The following ATE1 variants were observed in gnomAD, a reference collection of about 807,000 sequenced individuals.
ATE1 encodes the protein arginyl-tRNA--protein transferase 1.
In ATE1, 36 loss-of-function variants were observed where a neutral mutation model predicts 70.5. The ratio of observed to expected loss-of-function variants is 0.51; its 90% CI spans 0.39 to 0.67. The LOEUF is 0.67. Ranked by LOEUF, ATE1 falls within the 30% of genes least tolerant of loss-of-function variation. The pLI is 0.00. For missense variants in ATE1, 593 were observed against 629.5 expected, an observed-to-expected ratio of 0.94 and a Z score of 0.62; for synonymous variants, 232 against 219.3, an observed-to-expected ratio of 1.06 and a Z score of -0.51.
chr10:121,758,840 T>G (rs571594057), intron 11 of ATE1, among the ~76,000 whole-genome samples: 15 of 152,192 alleles, frequency 9.9e-5, no homozygotes, highest in Non-Finnish European at 2.2e-4. Flanking sequence ...TTAACTACTG[T>G]AATTGGTTTG....
chr10:121,835,377 C>T (rs1000027516), intron 10 of ATE1, among the ~76,000 whole-genome samples: 18 of 151,414 alleles, frequency 1.2e-4, no homozygotes, highest in African/African-American at 3.4e-4. Context: ...AACCATCTCC[C>T]CAGTCATTCA....
chr10:121,798,759 C>T (rs985889851), intron 10 of ATE1, among the ~76,000 whole-genome samples: 10 of 151,884 alleles, frequency 6.6e-5, no homozygotes, highest in Admixed American at 1.3e-4. Context: ...AATTGTTGGG[C>T]GTGGTGACAC....
chr10:121,749,639 C>T (rs1944502810), intron 11 of ATE1, among the ~76,000 whole-genome samples: 1 of 152,122 alleles, frequency 6.6e-6, no homozygotes, highest in Admixed American at 6.5e-5. Context: ...TTTAATTTTA[C>T]ATCATTTTTA....
Position 121,840,832 on chromosome 10 carries a change from CTT to C in ATE1, c.1157+248_1157+249del, listed in dbSNP as rs1180534671. ...ATGTTTATTTTAAAATTCAATGTGA[CTT>C]TAAATATATTCTTAAATGAAAATTA... On this transcript the variant is annotated intron_variant, in intron 9 of 11. Transcript: ENST00000224652. Among the ~76,000 whole-genome samples, 266 of 150,166 alleles carry C rather than the reference CTT, an allele frequency of 1.8e-3. 1 individual carries two copies. The highest frequency in any genetic ancestry group is 6.1e-3 in the African/African-American group (250 of 41,090).
chr10:121,840,573 A>G (rs563773831), intron 9 of ATE1, among the ~76,000 whole-genome samples: 47 of 152,144 alleles, frequency 3.1e-4, no homozygotes, highest in Non-Finnish European at 5.7e-4. Context: ...ATAAATGTAT[A>G]AACAACAAAA....
intron 10 of ATE1, among the ~76,000 whole-genome samples, chr10:121,817,552 A>AATT (rs2133549337): frequency 6.7e-6 from 1 of 149,950 alleles, no homozygotes; most frequent in East Asian, 2.0e-4. Context: ...AAAAAAAAAG[A>AATT]AGAGCTCAAA....
chr10:121,776,804 G>A (rs1037874562), intron 11 of ATE1, among the ~76,000 whole-genome samples: 1 of 152,236 alleles, frequency 6.6e-6, no homozygotes, highest in African/African-American at 2.4e-5. Context: ...ATGTCTTACA[G>A]GGGACTACAG....
intron 8 of ATE1, among the ~76,000 whole-genome samples, chr10:121,844,240 A>G (rs1948734445): frequency 6.6e-6 from 1 of 152,242 alleles, no homozygotes; most frequent in Non-Finnish European, 1.5e-5. Context: ...ACTTCAGCCT[A>G]TGCAAGACCC....
intron 8 of ATE1, among the ~76,000 whole-genome samples, chr10:121,850,113 A>T (rs1352228251): frequency 6.6e-6 from 1 of 152,232 alleles, no homozygotes; most frequent in Admixed American, 6.5e-5. Flanking sequence ...CTCACTATCA[A>T]ATAATGAAGT....
At chr10:121,791,007 T>C (rs1197812176) in intron 10 of ATE1, among the ~76,000 whole-genome samples, 2 of 151,326 alleles carry the variant, frequency 1.3e-5, no homozygotes, top group South Asian at 2.1e-4. Context: ...TATGTGTATA[T>C]ATGTATACAT....
intron 11 of ATE1, among the ~76,000 whole-genome samples, chr10:121,778,670 C>G (rs912263573): frequency 6.7e-6 from 1 of 148,438 alleles, no homozygotes; most frequent in African/African-American, 2.5e-5. Flanking sequence ...GGCGTGACAT[C>G]GGCTCACTGC....
intron 6 of ATE1, among the ~76,000 whole-genome samples, chr10:121,900,766 T>A (rs114736791): frequency 0.015 from 2,245 of 152,280 alleles, 50 homozygotes; most frequent in African/African-American, 0.052. Flanking sequence ...TCTCTATACA[T>A]CCTGAGTATC....
At chr10:121,846,255 C>A (rs1004647257) in intron 8 of ATE1, among the ~76,000 whole-genome samples, 1 of 152,076 alleles carries the variant, frequency 6.6e-6, no homozygotes, top group Non-Finnish European at 1.5e-5. Flanking sequence ...TAAAACAGTA[C>A]TGACTTTATA....
chr10:121,927,923 G>A lies in ATE1; in HGVS notation c.27C>T (p.Pro9=), dbSNP rs778647784. The change falls in exon 1 of 12, where the codon CCC becomes CCT. Residue 9 remains proline (P), a synonymous_variant. Transcript: ENST00000224652. MAFWAGGS[P]SVVDYFPSED... is the part of the protein sequence containing the mutation. Reference sequence around the variant, plus strand: ...CGCTAGGGAAATAGTCCACGACGCTGGGCGAACCCCCCGCCCAGAAAGCCA... The same window carrying A: ...CGCTAGGGAAATAGTCCACGACGCTAGGCGAACCCCCCGCCCAGAAAGCCA... 4 of 1,580,732 alleles carry A rather than the reference G, an allele frequency of 2.5e-6. No homozygotes were observed. Among genetic ancestry groups the A allele is most frequent in the Non-Finnish European group, 3.4e-6 (4 of 1,166,582 alleles).
At chr10:121,928,394 C>A (rs1372301892), upstream of ATE1, 2 of 1,531,906 alleles carry the variant, frequency 1.3e-6, no homozygotes, top group Non-Finnish European at 1.8e-6. Context: ...GCAGTGGTAG[C>A]CGGCCCTGAG....
chr10:121,773,931 G>A (rs1945626797), intron 11 of ATE1, among the ~76,000 whole-genome samples: 1 of 152,176 alleles, frequency 6.6e-6, no homozygotes, highest in South Asian at 2.1e-4. Context: ...TGAAATGGCT[G>A]TAGTTTCTAC....
chr10:121,906,483 C>T (rs752141254), intron 5 of ATE1, among the ~76,000 whole-genome samples: 1 of 151,680 alleles, frequency 6.6e-6, no homozygotes, highest in Non-Finnish European at 1.5e-5. Context: ...GAGTCCTGAT[C>T]GTGTCACTAC....
At chr10:121,895,380 C>T (rs768297376) in intron 7 of ATE1, among the ~76,000 whole-genome samples, 40 of 152,228 alleles carry the variant, frequency 2.6e-4, no homozygotes, top group South Asian at 1.0e-3. Context: ...GAGGCCGAGG[C>T]GGGTGGATCA....
At chr10:121,793,143 CTAATAA>C (rs1411988344) in intron 10 of ATE1, among the ~76,000 whole-genome samples, 1 of 152,054 alleles carries the variant, frequency 6.6e-6, no homozygotes, top group Non-Finnish European at 1.5e-5. Flanking sequence ...ATATGAATGC[CTAATAA>C]GCATGTGAAG....
Sources: gnomAD v4.1 joint callset for allele counts (sites outside exome capture counted in the v4.1 genomes callset) on GRCh38, gnomAD v4.1.1 for gene constraint, MANE v1.5 for transcripts, NCBI Gene and HGNC (gene_info 2026-07-23, HGNC 2026-07-21) for gene names.